Variants in GALNTL6 observed in about 807,000 individuals in gnomAD.
GALNTL6 encodes the protein polypeptide N-acetylgalactosaminyltransferase-like 6.
Under a neutral mutation model 73.7 loss-of-function variants are expected in GALNTL6, and 46 were observed. The ratio of observed to expected loss-of-function variants is 0.62; its 90% CI spans 0.49 to 0.80. The LOEUF is 0.80. Ranked by LOEUF, GALNTL6 falls within the 30% of genes least tolerant of loss-of-function variation. The pLI is 0.00. For missense variants in GALNTL6, 604 were observed against 755.0 expected (o/e 0.80, Z 2.34); for synonymous variants, 259 against 263.7 (o/e 0.98, Z 0.17).
intron 5 of GALNTL6, among the ~76,000 whole-genome samples, chr4:172,685,838 A>T (rs890224362): frequency 3.9e-5 from 6 of 152,310 alleles, no homozygotes; most frequent in Admixed American, 2.0e-4. Flanking sequence ...TTCTGGCATC[A>T]TATTTTTCTC....
chr4:172,720,840 G>T (rs1479420807), intron 5 of GALNTL6, among the ~76,000 whole-genome samples: 2 of 152,098 alleles, frequency 1.3e-5, no homozygotes, highest in Non-Finnish European at 2.9e-5. Context: ...CTTATCTAAA[G>T]AAATTATTTG....
chr4:171,840,397 G>GTGGGCCA (rs1002950768), intron 2 of GALNTL6, among the ~76,000 whole-genome samples: 3 of 152,078 alleles, frequency 2.0e-5, no homozygotes, highest in Non-Finnish European at 4.4e-5. Flanking sequence ...TAAAGAAACC[G>GTGGGCCA]TGGGCACTTG....
Position 172,345,357 on chromosome 4 carries a change from C to T in GALNTL6, c.387-3166C>T, listed in dbSNP as rs570183309. Among the ~76,000 whole-genome samples the T allele has an allele frequency of 5.3e-5, 8 of 152,204 alleles. No individual in the cohort carries two copies. In the South Asian group the frequency reaches 1.7e-3, roughly 32 times the overall value. ...AGGCAATGTTACTACTAATAATCAA[C>T]TAATTAGGATGAGACCATTTTTATG... is the stretch of plus-strand genomic sequence containing the variant. On this transcript the variant is annotated intron_variant, in intron 4 of 12. Transcript: ENST00000506823.
At chr4:172,010,214 G>A (rs76052998) in intron 2 of GALNTL6, among the ~76,000 whole-genome samples, 1,647 of 152,144 alleles carry the variant, frequency 0.011, 33 homozygotes, top group African/African-American at 0.036. Flanking sequence ...AGTAATAAAA[G>A]CACCAGCTGC....
At chr4:172,198,283 A>C (rs535697520) in intron 2 of GALNTL6, among the ~76,000 whole-genome samples, 104 of 152,202 alleles carry the variant, frequency 6.8e-4, no homozygotes, top group African/African-American at 2.4e-3. Flanking sequence ...GCACATCAAA[A>C]AAAAAAATAA....
At chr4:172,999,332 G>A (rs1751937490) in intron 10 of GALNTL6, among the ~76,000 whole-genome samples, 1 of 152,092 alleles carries the variant, frequency 6.6e-6, no homozygotes, top group Admixed American at 6.6e-5. Flanking sequence ...TGGAAAAACT[G>A]TGCATGCGTG....
rs777532711 is a variant in GALNTL6 at position 172,952,152 on chromosome 4, G to A, written c.1265G>A (p.Arg422His). Reference sequence around the variant, plus strand: ...GACATCTCTGCCCAGAAGGAGCTGCGCAAGCAGCTCAAGTGCAAGGACTTC... The same window carrying A: ...GACATCTCTGCCCAGAAGGAGCTGCACAAGCAGCTCAAGTGCAAGGACTTC... ...TGDISAQKELRKQLKCKDFKW... is the reference protein window; with the variant it reads ...TGDISAQKELHKQLKCKDFKW... The change falls in exon 10 of 13, where the codon CGC becomes CAC. Residue 422 changes from arginine (R) to histidine (H), a missense_variant. Around this residue, in one of 5 missense-constraint regions of GALNTL6, gnomAD observed 261 missense variants for 296.5 expected, o/e 0.88. Transcript: ENST00000506823. 3.7e-6 allele frequency: 6 copies of A among 1,613,262 alleles called. No homozygotes were observed. Among genetic ancestry groups the A allele is most frequent in the Middle Eastern group, 1.6e-4 (1 of 6,084 alleles).
chr4:172,810,500 C>A (rs1741234245), intron 6 of GALNTL6, among the ~76,000 whole-genome samples: 1 of 152,152 alleles, frequency 6.6e-6, no homozygotes. Context: ...CTAGCAACTG[C>A]CTTCACAATA....
At chr4:172,406,425 TAATA>T (rs1744239374) in intron 5 of GALNTL6, among the ~76,000 whole-genome samples, 1 of 151,960 alleles carries the variant, frequency 6.6e-6, no homozygotes, top group South Asian at 2.1e-4. Context: ...AAAATTTAAA[TAATA>T]CATATATATA....
intron 2 of GALNTL6, among the ~76,000 whole-genome samples, chr4:171,870,338 A>G (rs1315036360): frequency 6.6e-6 from 1 of 152,186 alleles, no homozygotes; most frequent in African/African-American, 2.4e-5. Flanking sequence ...TGGAATGCAG[A>G]TACGATAGAA....
intron 12 of GALNTL6, among the ~76,000 whole-genome samples, chr4:173,027,359 T>C (rs1406190335): frequency 6.6e-6 from 1 of 152,208 alleles, no homozygotes; most frequent in Admixed American, 6.5e-5. Context: ...GATATAGATA[T>C]ATATTGATAG....
chr4:172,781,061 A>C (rs1739346806), intron 5 of GALNTL6, among the ~76,000 whole-genome samples: 1 of 152,222 alleles, frequency 6.6e-6, no homozygotes, highest in Admixed American at 6.5e-5. Flanking sequence ...TTTTATTTCC[A>C]TCAGTGATGT....
chr4:172,328,703 T>C (rs1280741579), intron 4 of GALNTL6, among the ~76,000 whole-genome samples: 3 of 152,354 alleles, frequency 2.0e-5, no homozygotes, highest in Admixed American at 6.5e-5. Flanking sequence ...GGCTATTGCA[T>C]TGAGAAATTC....
chr4:171,840,018 T>A (rs1352346071), intron 2 of GALNTL6, among the ~76,000 whole-genome samples: 1 of 152,174 alleles, frequency 6.6e-6, no homozygotes, highest in Non-Finnish European at 1.5e-5. Flanking sequence ...GCATTTAAAC[T>A]GCTTTAGAAT....
At chr4:172,755,107 C>T (rs1447840512) in intron 5 of GALNTL6, among the ~76,000 whole-genome samples, 2 of 152,076 alleles carry the variant, frequency 1.3e-5, no homozygotes, top group Non-Finnish European at 2.9e-5. Flanking sequence ...AACTTTGAGT[C>T]ACAGTACACT....
intron 5 of GALNTL6, among the ~76,000 whole-genome samples, chr4:172,476,621 T>C (rs1052502152): frequency 6.6e-6 from 1 of 152,194 alleles, no homozygotes; most frequent in African/African-American, 2.4e-5. Flanking sequence ...GGTAGCACAC[T>C]GTGTGTCCTG....
chr4:172,283,075 A>G (rs1273536434), intron 3 of GALNTL6, among the ~76,000 whole-genome samples: 1 of 152,180 alleles, frequency 6.6e-6, no homozygotes, highest in Admixed American at 6.5e-5. Flanking sequence ...AGGAGAAAAT[A>G]GCATGGACCA....
chr4:172,927,001 T>G (rs965653192), intron 8 of GALNTL6, among the ~76,000 whole-genome samples: 1 of 152,222 alleles, frequency 6.6e-6, no homozygotes, highest in African/African-American at 2.4e-5. Context: ...TTTCTATTGC[T>G]TGTCTCACAA....
intron 2 of GALNTL6, among the ~76,000 whole-genome samples, chr4:171,971,990 C>T (rs1739584754): frequency 6.6e-6 from 1 of 152,106 alleles, no homozygotes; most frequent in Admixed American, 6.6e-5. Flanking sequence ...CCTTCCAACT[C>T]ATGGTCTCTC....
Sources: allele counts gnomAD v4.1 joint callset (sites outside exome capture counted in the v4.1 genomes callset), GRCh38; gene constraint gnomAD v4.1.1; regional missense constraint gnomAD v4.1.1; transcripts MANE v1.5; gene names NCBI Gene and HGNC (gene_info 2026-07-23, HGNC 2026-07-21).